Variants in SHISA9 observed in about 807,000 individuals in gnomAD.
The protein encoded by SHISA9 is shisa family member 9, also known as protein shisa-9.
In SHISA9, 13 loss-of-function variants were observed where a neutral mutation model predicts 38.0. That is an observed-to-expected ratio of 0.34 (90% confidence interval 0.22 to 0.54). SHISA9 has a LOEUF of 0.54. Ranked by LOEUF, SHISA9 falls within the 20% of genes least tolerant of loss-of-function variation. The pLI, the probability that SHISA9 is intolerant of heterozygous loss-of-function variation, is 0.91. For synonymous variants in SHISA9, 275 were observed against 242.0 expected (o/e 1.14, Z -1.27); for missense variants, 538 against 575.8 (o/e 0.93, Z 0.67).
chr16:13,451,396 C>T, the SHISA9 span, among the ~76,000 whole-genome samples: 16 of 152,350 alleles, frequency 1.1e-4, no homozygotes, highest in African/African-American at 3.8e-4. Flanking sequence ...CCTATCTATG[C>T]AACCTGCTCC....
At chr16:13,008,236 G>A (rs904299579) in intron 2 of SHISA9, among the ~76,000 whole-genome samples, 24 of 152,062 alleles carry the variant, frequency 1.6e-4, no homozygotes, top group Admixed American at 9.8e-4. Context: ...CTCTTCCAGG[G>A]GTCCAAATTG....
At chr16:13,265,202 T>C in the SHISA9 span, among the ~76,000 whole-genome samples, 1 of 98,942 alleles carries the variant, frequency 1.0e-5, no homozygotes, top group African/African-American at 3.9e-5. Flanking sequence ...CCCCTCCCTT[T>C]CCCTCCACTT....
chr16:13,095,932 G>A (rs551055302), intron 2 of SHISA9, among the ~76,000 whole-genome samples: 19 of 152,322 alleles, frequency 1.2e-4, no homozygotes, highest in Non-Finnish European at 2.2e-4. Context: ...GGCAGGGCCC[G>A]AGAATTTCCA....
At chr16:13,367,081 C>T in the SHISA9 span, among the ~76,000 whole-genome samples, 4 of 151,230 alleles carry the variant, frequency 2.6e-5, no homozygotes, top group African/African-American at 9.7e-5. Context: ...TTAATAACCT[C>T]AAAAATCATT....
chr16:13,341,507 C>A, the SHISA9 span, among the ~76,000 whole-genome samples: 1 of 152,058 alleles, frequency 6.6e-6, no homozygotes, highest in Non-Finnish European at 1.5e-5. Flanking sequence ...ATAACAGAGG[C>A]AATGATGATG....
the SHISA9 span, among the ~76,000 whole-genome samples, chr16:13,420,925 C>T: frequency 6.6e-6 from 1 of 152,194 alleles, no homozygotes; most frequent in Admixed American, 6.5e-5. Context: ...ATTACAGCTG[C>T]TCCCAGCGAA....
the SHISA9 span, among the ~76,000 whole-genome samples, chr16:13,432,537 T>G: frequency 1.3e-5 from 2 of 152,190 alleles, no homozygotes; most frequent in Non-Finnish European, 2.9e-5. Flanking sequence ...CCACAAAAAT[T>G]GACACAACCC....
At chr16:13,009,052 G>A (rs143728898) in intron 2 of SHISA9, among the ~76,000 whole-genome samples, 4 of 152,040 alleles carry the variant, frequency 2.6e-5, no homozygotes, top group African/African-American at 7.2e-5. Flanking sequence ...CTTCATGAAT[G>A]TCCGTTATGT....
chr16:13,379,668 C>T, the SHISA9 span, among the ~76,000 whole-genome samples: 106 of 152,306 alleles, frequency 7.0e-4, no homozygotes, highest in African/African-American at 2.5e-3. Flanking sequence ...TCCTGGTAGG[C>T]ACATGGTATT....
chr16:13,039,467 A>G (rs971281858), intron 2 of SHISA9, among the ~76,000 whole-genome samples: 2 of 147,040 alleles, frequency 1.4e-5, no homozygotes, highest in African/African-American at 2.5e-5. Flanking sequence ...TGCCTGCCCA[A>G]TGTGTCAATG....
the SHISA9 span, among the ~76,000 whole-genome samples, chr16:13,422,745 CCAA>C: frequency 1.3e-5 from 2 of 152,146 alleles, no homozygotes; most frequent in Admixed American, 6.5e-5. Flanking sequence ...ACCACCACCA[CCAA>C]CAACAACAAA....
chr16:13,203,144 T>C, intron 2 of SHISA9: 1 of 353,064 alleles, frequency 2.8e-6, no homozygotes, highest in Non-Finnish European at 5.1e-6. Context: ...GACCTTAACA[T>C]GTTAGTTTAA....
chr16:12,971,139 T>C (rs1023908479), intron 2 of SHISA9, among the ~76,000 whole-genome samples: 1 of 152,262 alleles, frequency 6.6e-6, no homozygotes, highest in African/African-American at 2.4e-5. Flanking sequence ...TCTGCACAGG[T>C]ACTAATTTTC....
chr16:12,931,491 A>G (rs1462755406), intron 2 of SHISA9, among the ~76,000 whole-genome samples: 1 of 152,060 alleles, frequency 6.6e-6, no homozygotes, highest in African/African-American at 2.4e-5. Context: ...CTTTATGTCC[A>G]TGTCTACCCA....
intron 2 of SHISA9, among the ~76,000 whole-genome samples, chr16:12,926,525 A>G (rs2071395078): frequency 6.6e-6 from 1 of 152,226 alleles, no homozygotes; most frequent in African/African-American, 2.4e-5. Context: ...AATTAGACAT[A>G]AATAGGACAT....
chr16:13,295,098 A>T, the SHISA9 span, among the ~76,000 whole-genome samples: 1 of 152,214 alleles, frequency 6.6e-6, no homozygotes, highest in Admixed American at 6.5e-5. Context: ...AAACCAGGGA[A>T]CCTGGCTCTA....
At chr16:13,428,682 C>G in the SHISA9 span, among the ~76,000 whole-genome samples, 1 of 151,928 alleles carries the variant, frequency 6.6e-6, no homozygotes, top group East Asian at 1.9e-4. Flanking sequence ...AGGGTCTTGT[C>G]TGTTGGGCTG....
chr16:12,952,731 TCTC>T (rs755182434), intron 2 of SHISA9, among the ~76,000 whole-genome samples: 2 of 152,138 alleles, frequency 1.3e-5, no homozygotes, highest in Non-Finnish European at 2.9e-5. Flanking sequence ...ATGCCTGGCT[TCTC>T]CTTCACCTTC....
At chr16:13,464,791 A>C in the SHISA9 span, among the ~76,000 whole-genome samples, 2 of 152,220 alleles carry the variant, frequency 1.3e-5, no homozygotes, top group African/African-American at 4.8e-5. Context: ...GGTCCTCATA[A>C]AATTCCCGAG....
Sources: allele counts gnomAD v4.1 joint callset (sites outside exome capture counted in the v4.1 genomes callset), GRCh38; gene constraint gnomAD v4.1.1; transcripts MANE v1.5; gene names NCBI Gene and HGNC (gene_info 2026-07-23, HGNC 2026-07-21).